KIF5C: variants seen among roughly 807,000 people sequenced by gnomAD.
KIF5C encodes the protein kinesin heavy chain isoform 5C.
KIF5C carries 18 observed loss-of-function variants against 125.2 expected under a neutral mutation model. The observed-to-expected ratio is 0.14, with a 90% CI of 0.10 to 0.21. The LOEUF is 0.21. Among genes scored for constraint, KIF5C ranks in the 10% least tolerant of loss-of-function variants. The pLI is 1.00. For synonymous variants in KIF5C, 405 were observed against 434.0 expected, an observed-to-expected ratio of 0.93 and a Z score of 0.83; for missense variants, 780 against 1,183.8, an observed-to-expected ratio of 0.66 and a Z score of 5.01.
intron 25 of KIF5C, among the ~76,000 whole-genome samples, chr2:149,012,538 T>C (rs1156668370): frequency 6.6e-6 from 1 of 152,232 alleles, no homozygotes; most frequent in African/African-American, 2.4e-5. Context: ...TCCAGTCCTT[T>C]CTGCATCAAG....
intron 3 of KIF5C, among the ~76,000 whole-genome samples, chr2:148,933,793 C>T (rs922639608): frequency 4.7e-5 from 7 of 147,530 alleles, no homozygotes; most frequent in Non-Finnish European, 1.0e-4. Flanking sequence ...CACATACCCC[C>T]CATATACATG....
At chr2:148,929,170 G>A in intron 2 of KIF5C, 111 bp from the exon 3 acceptor site, 1 of 633,850 alleles carries the variant, frequency 1.6e-6, no homozygotes, top group Non-Finnish European at 2.7e-6. Flanking sequence ...TATATCATTT[G>A]TATGAAAAAT....
intron 1 of KIF5C, among the ~76,000 whole-genome samples, chr2:148,900,234 T>A (rs936085559): frequency 6.6e-6 from 1 of 152,216 alleles, no homozygotes; most frequent in Non-Finnish European, 1.5e-5. Context: ...ATGGTTTTCC[T>A]GATAATTTAT....
At chr2:148,950,602 A>G in intron 10 of KIF5C, 140 bp downstream of exon 10, 1 of 1,252,672 alleles carries the variant, frequency 8.0e-7, no homozygotes, top group Non-Finnish European at 1.1e-6. Context: ...TGAGGTCAGG[A>G]GTTTGAGACC....
chr2:149,017,938 A>G (rs1682414498), intron 25 of KIF5C, among the ~76,000 whole-genome samples: 1 of 152,198 alleles, frequency 6.6e-6, no homozygotes, highest in South Asian at 2.1e-4. Flanking sequence ...ATAAAGAGCT[A>G]GGTGCAATGC....
intron 1 of KIF5C, among the ~76,000 whole-genome samples, chr2:148,902,386 G>C (rs2105057851): frequency 6.6e-6 from 1 of 151,940 alleles, no homozygotes; most frequent in South Asian, 2.1e-4. Context: ...GTGCGATCTT[G>C]ACTCACTGCA....
rs757095644 is a variant in KIF5C at position 149,005,350 on chromosome 2, A to T, written c.2374-43A>T. ...CTGGTGCCAAATGTGTCATAAATTC[A>T]GTGAATTGCTGCACTTAAGTGGCCT... is the stretch of plus-strand genomic sequence containing the variant. On this transcript the variant is annotated intron_variant, in intron 21 of 25. Transcript: ENST00000435030. The T allele has an allele frequency of 1.9e-6, 3 of 1,601,910 alleles. No individual in the cohort carries two copies. In the African/African-American group the frequency reaches 4.0e-5, roughly 21 times the overall value.
Position 148,875,592 on chromosome 2 carries a change from G to A in KIF5C, c.-26G>A. On this transcript the variant is annotated 5_prime_UTR_variant, in exon 1 of 26. In the 5' UTR this introduces an upstream ATG that the reference lacks. Transcript: ENST00000435030. ...CGGCCCCGGCCCCCCACCCATCCCC[G>A]TGCCCCCTCCCTACCGCCGGCCGAG... 2 of 236,058 alleles carry A rather than the reference G, an allele frequency of 8.5e-6. No individual in the cohort carries two copies. Among genetic ancestry groups the A allele is most frequent in the Non-Finnish European group, 7.3e-6 (1 of 136,156 alleles). 14.6% of individuals were successfully genotyped at this position (236,058 alleles called of 1,614,324 possible). A position where few individuals can be genotyped will look rare whatever the true frequency, so the allele number is the denominator to read the frequency against.
At chr2:148,999,541 T>C (rs1681786782) in intron 19 of KIF5C, among the ~76,000 whole-genome samples, 1 of 152,232 alleles carries the variant, frequency 6.6e-6, no homozygotes. Context: ...GGAAGGCACT[T>C]AGCCTCCTCC....
chr2:148,982,937 A>ACGTTT, intron 14 of KIF5C, among the ~76,000 whole-genome samples: 1 of 152,238 alleles, frequency 6.6e-6, no homozygotes, highest in South Asian at 2.1e-4. Context: ...TTAGTTAAGA[A>ACGTTT]TACATACCTT....
rs1682660802 is a variant in KIF5C, at chr2:149,025,430, A to G, written c.*2360A>G. On this transcript the variant is annotated 3_prime_UTR_variant, in exon 26 of 26. Coordinates refer to ENST00000435030, the MANE Select transcript of KIF5C (RefSeq NM_004522.3). ...TATTGCTATGTATAATAAGCCAGTT[A>G]TTATATCAGGACCATGTTCTCTGTA... 1 of 152,672 alleles carries G rather than the reference A, an allele frequency of 6.5e-6. No individual in the cohort carries two copies. Among genetic ancestry groups the G allele is most frequent in the South Asian group, 2.1e-4 (1 of 4,838 alleles). The allele number at this position is 152,672 out of a possible 1,614,324, so 9.5% of individuals were successfully genotyped here. A position where few individuals can be genotyped will look rare whatever the true frequency, so the allele number is the denominator to read the frequency against.
chr2:148,919,528 T>C (rs550457834), intron 1 of KIF5C, among the ~76,000 whole-genome samples: 1 of 152,300 alleles, frequency 6.6e-6, no homozygotes, highest in Admixed American at 6.5e-5. Context: ...GAATAAAAAA[T>C]GGGCAATCTT....
chr2:148,964,378 A>G (rs1007254611), intron 11 of KIF5C, among the ~76,000 whole-genome samples: 3 of 152,170 alleles, frequency 2.0e-5, no homozygotes, highest in Non-Finnish European at 4.4e-5. Flanking sequence ...ATAATGTATG[A>G]TGATATACTC....
intron 13 of KIF5C, among the ~76,000 whole-genome samples, chr2:148,980,054 C>A (rs140083825): frequency 1.3e-3 from 197 of 152,302 alleles, no homozygotes; most frequent in African/African-American, 4.5e-3. Flanking sequence ...ACAGCAGGTG[C>A]CTGGGTTTCT....
At chr2:148,951,696 T>A (rs981060213) in intron 10 of KIF5C, among the ~76,000 whole-genome samples, 1 of 152,200 alleles carries the variant, frequency 6.6e-6, no homozygotes, top group African/African-American at 2.4e-5. Flanking sequence ...TTCTGAACAA[T>A]CATGTGATCT....
intron 25 of KIF5C, among the ~76,000 whole-genome samples, chr2:149,014,502 T>C (rs958225639): frequency 6.6e-6 from 1 of 152,206 alleles, no homozygotes; most frequent in Non-Finnish European, 1.5e-5. Context: ...AGGATGGCAG[T>C]GTGGCTGAGG....
At chr2:148,926,133 C>T (rs1681985658) in intron 2 of KIF5C, among the ~76,000 whole-genome samples, 2 of 152,254 alleles carry the variant, frequency 1.3e-5, no homozygotes, top group Non-Finnish European at 2.9e-5. Flanking sequence ...TCCCCCAATT[C>T]TAATCTGAAG....
At chr2:149,019,581 C>G (rs986677711) in intron 25 of KIF5C, among the ~76,000 whole-genome samples, 2 of 152,172 alleles carry the variant, frequency 1.3e-5, no homozygotes, top group Non-Finnish European at 1.5e-5. Flanking sequence ...TCATGGTTCT[C>G]AGAGTCATAA....
At chr2:148,931,385 G>A (rs770922205) in intron 3 of KIF5C, among the ~76,000 whole-genome samples, 5 of 152,112 alleles carry the variant, frequency 3.3e-5, no homozygotes, top group African/African-American at 7.2e-5. Context: ...AGCTATGCCC[G>A]CCCTTTAAAA....
Sources: allele counts gnomAD v4.1 joint callset (sites outside exome capture counted in the v4.1 genomes callset), GRCh38; gene constraint gnomAD v4.1.1; transcripts MANE v1.5; gene names NCBI Gene and HGNC (gene_info 2026-07-23, HGNC 2026-07-21).